The following TUBGCP3 variants were observed in gnomAD, a reference collection of about 807,000 sequenced individuals.
TUBGCP3 encodes gamma-tubulin complex component 3.
A neutral mutation model predicts 123.1 loss-of-function variants in TUBGCP3; 50 were observed. The ratio of observed to expected loss-of-function variants is 0.41; its 90% CI spans 0.32 to 0.51. TUBGCP3 has a LOEUF of 0.51. TUBGCP3 is among the 20% of genes least tolerant of loss of function. The pLI is 0.36. For missense variants in TUBGCP3, 882 were observed against 1,127.0 expected, an observed-to-expected ratio of 0.78 and a Z score of 3.11; for synonymous variants, 405 against 413.9, an observed-to-expected ratio of 0.98 and a Z score of 0.26.
chr13:112,557,178 T>C (rs568545410), intron 5 of TUBGCP3, among the ~76,000 whole-genome samples: 10 of 152,342 alleles, frequency 6.6e-5, no homozygotes, highest in African/African-American at 1.4e-4. Flanking sequence ...AAGTTCTCTA[T>C]ACAGATTTTT....
intron 11 of TUBGCP3, among the ~76,000 whole-genome samples, chr13:112,535,458 T>C (rs1400140311): frequency 2.0e-5 from 3 of 152,246 alleles, no homozygotes; most frequent in African/African-American, 7.2e-5. Context: ...ACCTGTTATT[T>C]TCTGGCTGCT....
At chr13:112,559,721 A>C (rs950246410) in intron 3 of TUBGCP3, among the ~76,000 whole-genome samples, 2 of 152,226 alleles carry the variant, frequency 1.3e-5, no homozygotes, top group East Asian at 3.8e-4. Flanking sequence ...TAATGTCCCC[A>C]AAACCGTAAT....
chr13:112,494,331 G>C (rs1318594112), intron 20 of TUBGCP3, among the ~76,000 whole-genome samples: 1 of 152,242 alleles, frequency 6.6e-6, no homozygotes, highest in Non-Finnish European at 1.5e-5. Context: ...AGTTTATCCA[G>C]AACCAGCAGC....
At chr13:112,577,127 T>C (rs1233154520) in intron 1 of TUBGCP3, among the ~76,000 whole-genome samples, 2 of 152,146 alleles carry the variant, frequency 1.3e-5, no homozygotes, top group African/African-American at 4.8e-5. Context: ...GCTAAGTAAT[T>C]TATGTAGACA....
chr13:112,554,363 A>G (rs1184802750), intron 7 of TUBGCP3, among the ~76,000 whole-genome samples, 181 bp from the exon 8 acceptor site: 1 of 152,230 alleles, frequency 6.6e-6, no homozygotes, highest in African/African-American at 2.4e-5. Flanking sequence ...CATGATGGAA[A>G]GCACCTCAAA....
upstream of TUBGCP3, among the ~76,000 whole-genome samples, chr13:112,592,375 G>A (rs1187038131): frequency 6.6e-6 from 1 of 152,160 alleles, no homozygotes; most frequent in Admixed American, 6.5e-5. This position sits in a 1 kb window ranked among gnomAD's most constrained non-coding sequence, Gnocchi z 4.1. Flanking sequence ...AAGGCCAAAC[G>A]CAGGTTCCAC....
intron 1 of TUBGCP3, among the ~76,000 whole-genome samples, chr13:112,572,316 G>A (rs1472204704): frequency 6.6e-6 from 1 of 152,152 alleles, no homozygotes; most frequent in Non-Finnish European, 1.5e-5. Flanking sequence ...GAACGTGCAG[G>A]TTTGTTACAC....
In TUBGCP3 at chr13:112,498,894, G is replaced by T. The variant is rs775630112; in HGVS notation, c.2448+151C>A. ...GGCCCCTCCCTCTTTACAACTGTCAGTGATTTCTCGGGACTTCAAACGCAG... is the reference window on the plus strand; with the variant it reads ...GGCCCCTCCCTCTTTACAACTGTCATTGATTTCTCGGGACTTCAAACGCAG... On this transcript the variant is annotated intron_variant, in intron 20 of 21. Transcript: ENST00000261965. The T allele has an allele frequency of 2.5e-6, 4 of 1,613,324 alleles. No homozygotes were observed. In the Admixed American group the frequency reaches 6.7e-5, roughly 27 times the overall value.
chr13:112,522,586 A>G (rs1041748460), intron 13 of TUBGCP3, 77 bp from the exon 14 acceptor site: 85 of 1,451,696 alleles, frequency 5.9e-5, no homozygotes, highest in East Asian at 1.2e-4. Flanking sequence ...AGGCACATAC[A>G]TCCAGACTCA....
chr13:112,517,803 A>G (rs1454880245), intron 16 of TUBGCP3, among the ~76,000 whole-genome samples: 2 of 152,170 alleles, frequency 1.3e-5, no homozygotes, highest in Admixed American at 6.6e-5. Context: ...AGGCAGGAGA[A>G]TCGCTTGAAT....
chr13:112,578,336 G>C (rs568245001), intron 1 of TUBGCP3, among the ~76,000 whole-genome samples: 3 of 151,490 alleles, frequency 2.0e-5, no homozygotes, highest in Non-Finnish European at 4.4e-5. Flanking sequence ...GAGGCGGGCG[G>C]ATCACGAGGT....
chr13:112,559,891 T>C (rs1197490551), intron 3 of TUBGCP3, among the ~76,000 whole-genome samples: 2 of 152,190 alleles, frequency 1.3e-5, no homozygotes, highest in African/African-American at 4.8e-5. Flanking sequence ...TCCCAGCACT[T>C]TGGAAGGCCA....
Position 112,523,123 on chromosome 13 carries a change from T to A in TUBGCP3, c.1556-614A>T, listed in dbSNP as rs139356374. Among the ~76,000 whole-genome samples, 284 of 152,388 alleles carry A rather than the reference T, an allele frequency of 1.9e-3. 1 individual carries two copies. The highest frequency in any genetic ancestry group is 5.8e-3 in the African/African-American group (242 of 41,598). On this transcript the variant is annotated intron_variant, in intron 13 of 21. Transcript: ENST00000261965. ...CACATAACAGAGCTTCTTACAGTGCTGATTTACATCTGCAAAGCACAAAAC... is the reference window on the plus strand; with the variant it reads ...CACATAACAGAGCTTCTTACAGTGCAGATTTACATCTGCAAAGCACAAAAC...
chr13:112,547,593 CG>C, intron 10 of TUBGCP3, 26 bp downstream of exon 10: 1 of 1,457,316 alleles, frequency 6.9e-7, no homozygotes, highest in Non-Finnish European at 9.1e-7. Context: ...GTGGGAAAGA[CG>C]TGCGTGGGAA....
At chr13:112,587,258 A>G (rs1021350459) in intron 1 of TUBGCP3, 1 of 152,216 alleles carries the variant, frequency 6.6e-6, no homozygotes, top group Non-Finnish European at 1.5e-5. Flanking sequence ...CTTATTAGTA[A>G]CAATATTCGC....
chr13:112,530,664 T>C (rs1877502166), intron 11 of TUBGCP3, among the ~76,000 whole-genome samples: 1 of 152,224 alleles, frequency 6.6e-6, no homozygotes, highest in Non-Finnish European at 1.5e-5. Flanking sequence ...TCGTAATCCA[T>C]GGGACGATTA....
At chr13:112,510,020 C>T (rs1881564829) in intron 17 of TUBGCP3, among the ~76,000 whole-genome samples, 1 of 152,136 alleles carries the variant, frequency 6.6e-6, no homozygotes, top group Non-Finnish European at 1.5e-5. Context: ...TTATAAGAAT[C>T]CCAAAAGCAA....
intron 1 of TUBGCP3, among the ~76,000 whole-genome samples, chr13:112,585,905 G>A (rs922773326): frequency 6.6e-6 from 1 of 151,712 alleles, no homozygotes; most frequent in Non-Finnish European, 1.5e-5. Flanking sequence ...TCTCTTAGAA[G>A]GGACAAAACT....
At chr13:112,498,934 A>T (rs377093499) in intron 20 of TUBGCP3, 111 bp downstream of exon 20, 128 of 1,613,904 alleles carry the variant, frequency 7.9e-5, no homozygotes, top group Middle Eastern at 4.9e-4. Flanking sequence ...GGCACATCTC[A>T]ACCTGTCTGA....
Sources: allele counts gnomAD v4.1 joint callset (sites outside exome capture counted in the v4.1 genomes callset), GRCh38; gene constraint gnomAD v4.1.1; non-coding constraint Gnocchi (gnomAD v3.1); transcripts MANE v1.5; gene names NCBI Gene and HGNC (gene_info 2026-07-23, HGNC 2026-07-21).